Variants in BNIPL observed in about 807,000 individuals in gnomAD.
BNIPL encodes the protein BCL2 interacting protein like.
A neutral mutation model predicts 47.0 loss-of-function variants in BNIPL; 33 were observed. That is an observed-to-expected ratio of 0.70 (90% CI 0.53 to 0.94). The LOEUF is 0.94. Ranked by LOEUF, BNIPL falls within the 40% of genes least tolerant of loss-of-function variation. The probability of loss-of-function intolerance (pLI) is 0.00; values close to 1 mark genes in which losing one functional copy is unlikely to be tolerated. For missense variants in BNIPL, 404 were observed against 445.2 expected (o/e 0.91, Z 0.83); for synonymous variants, 145 against 162.7 (o/e 0.89, Z 0.83).
At position 151,043,683 on chromosome 1, in the gene BNIPL, A is replaced by G. The variant is rs771456486; in HGVS notation, c.807A>G (p.Pro269=). Residue 269 remains proline (P), a synonymous_variant, in exon 7 of 10, where the codon CCA becomes CCG. Transcript: ENST00000368931. The part of the protein sequence containing the change: ...LSGGTSRAQV[P]PLSWIRQCYR... ...GAGGCACAAGCAGGGCCCAAGTTCC[A>G]CCTCTAAGCTGGATACGTCAGTGTT... is the stretch of plus-strand genomic sequence containing the variant. The G allele has an allele frequency of 6.2e-7, 1 of 1,613,930 alleles. No individual in the cohort carries two copies. Among genetic ancestry groups the G allele is most frequent in the East Asian group, 2.2e-5 (1 of 44,878 alleles).
chr1:151,037,645 G>A lies in BNIPL; in HGVS notation c.120G>A (p.Gln40=), dbSNP rs1394844390. 2 of 1,600,728 alleles carry A rather than the reference G, an allele frequency of 1.2e-6. No homozygotes were observed. Among genetic ancestry groups the A allele is most frequent in the Admixed American group, 1.7e-5 (1 of 58,084 alleles). ...AGTTGGAGCTGAAGGAGGAATGGCA[G>A]GATGAAGAATTCCCTAGGTGAGGAC... is the stretch of plus-strand genomic sequence containing the variant. ...HGELELKEEW[Q]DEEFPRLLPE... Residue 40 remains glutamine (Q), a synonymous_variant, in exon 2 of 10, where the codon CAG becomes CAA. Transcript: ENST00000368931.
At chr1:151,038,642 T>C in intron 3 of BNIPL, 74 bp downstream of exon 3, 1 of 1,592,096 alleles carries the variant, frequency 6.3e-7, no homozygotes, top group East Asian at 2.2e-5. Flanking sequence ...TCTATCCTTT[T>C]ACAGTTCCAT....
intron 2 of BNIPL, chr1:151,038,255 G>T (rs111225991): frequency 0.029 from 15,202 of 530,734 alleles, 1,469 homozygotes; most frequent in African/African-American, 0.24. Context: ...ACACCTGTAG[G>T]CCCAGCTACT....
At chr1:151,045,585 A>G (rs1675989754) in intron 7 of BNIPL, 30 of 451,472 alleles carry the variant, frequency 6.6e-5, no homozygotes, top group Non-Finnish European at 9.7e-5. Flanking sequence ...AAAAATCTTG[A>G]GAGTTTTTTT....
At position 151,043,648 on chromosome 1, in the gene BNIPL, C is replaced by T. The variant is rs1675910527; in HGVS notation, c.772C>T (p.His258Tyr). 1.7e-5 allele frequency: 27 copies of T among 1,611,536 alleles called. No individual in the cohort carries two copies. Among genetic ancestry groups the T allele is most frequent in the Non-Finnish European group, 2.3e-5 (27 of 1,177,700 alleles). Residue 258 changes from histidine to tyrosine, a missense_variant, in exon 7 of 10, where the codon CAT (histidine) becomes TAT (tyrosine). His to Tyr is a moderately conservative substitution (Grantham distance 83). Transcript: ENST00000368931. ...AGTAGCTGAAAATTACCTGCTTGTT[C>T]ATTTGAGTGGAGGCACAAGCAGGGC... Reference protein sequence around the residue: ...LLVAENYLLVHLSGGTSRAQV... With the variant: ...LLVAENYLLVYLSGGTSRAQV...
intron 7 of BNIPL, among the ~76,000 whole-genome samples, chr1:151,044,278 C>G (rs912655531): frequency 1.6e-4 from 25 of 152,226 alleles, no homozygotes; most frequent in Non-Finnish European, 2.9e-4. Context: ...AGCCACTGCA[C>G]CCGGCCACTT....
In BNIPL at chr1:151,046,924, G is replaced by T; in HGVS notation, c.*237G>T. 2.3e-6 allele frequency: 1 copy of T among 438,224 alleles called. No homozygotes were observed. The highest frequency in any genetic ancestry group is 4.1e-5 in the Admixed American group (1 of 24,164). The allele number at this position is 438,224 out of a possible 1,614,324, so 27.1% of individuals were successfully genotyped here. On this transcript the variant is annotated 3_prime_UTR_variant, in exon 10 of 10. Coordinates refer to ENST00000368931, the MANE Select transcript of BNIPL (RefSeq NM_138278.4). ...TTGCTGGGACGGAAGGCTGAATGTA[G>T]GGTCATTTTGTATGGGATATGCAGA... is the stretch of plus-strand genomic sequence containing the variant.
At chr1:151,046,543 C>A in intron 9 of BNIPL, 108 bp from the exon 10 acceptor site, 1 of 1,021,442 alleles carries the variant, frequency 9.8e-7, no homozygotes, top group East Asian at 2.5e-5. Flanking sequence ...TGACTCAACC[C>A]AATCATCTAG....
At position 151,038,813 on chromosome 1, in the gene BNIPL, A is replaced by C; in HGVS notation, c.220A>C (p.Thr74Pro). 6.3e-7 allele frequency: 1 copy of C among 1,593,238 alleles called. No homozygotes were observed. Among genetic ancestry groups the C allele is most frequent in the Non-Finnish European group, 8.6e-7 (1 of 1,168,756 alleles). Residue 74 changes from threonine to proline, a missense_variant, in exon 4 of 10, where the codon ACT becomes CCT. Thr to Pro is a conservative substitution (Grantham distance 38, BLOSUM62 -1). Transcript: ENST00000368931. The part of the protein sequence containing the change: ...DSQAAAGTPS[T>P]LALCGQRPMR... ...TTCTCCAGCTGCAGGTACCCCCAGC[A>C]CTTTAGCCCTGTGTGGCCAGCGCCC...
rs1007004089 is a variant in BNIPL at position 151,036,875 on chromosome 1, CAA to C, written c.41+110_41+111del. Reference sequence around the variant, plus strand: ...TCAAATCTCGGGTTCCTCAAGGAGACAAGACTGTAAGAGAGTTTGCAGAGAAG... The same window carrying C: ...TCAAATCTCGGGTTCCTCAAGGAGACGACTGTAAGAGAGTTTGCAGAGAAG... On this transcript the variant is annotated intron_variant, in intron 1 of 9. Transcript: ENST00000368931. 5.3e-6 allele frequency: 6 copies of C among 1,122,356 alleles called. No individual in the cohort carries two copies. The African/African-American group carries it at 9.3e-5, about 17-fold the overall frequency. 69.5% of individuals were successfully genotyped at this position (1,122,356 alleles called of 1,614,324 possible).
At chr1:151,038,161 G>A (rs1182694255) in intron 2 of BNIPL, among the ~76,000 whole-genome samples, 1 of 152,040 alleles carries the variant, frequency 6.6e-6, no homozygotes, top group Non-Finnish European at 1.5e-5. Context: ...GATCACTTGA[G>A]CTCAGAAGTT....
intron 1 of BNIPL, 188 bp from the exon 2 acceptor site, chr1:151,037,379 A>T: frequency 9.8e-6 from 13 of 1,331,424 alleles, no homozygotes; most frequent in Non-Finnish European, 1.3e-5. Context: ...CTGCTCCCAA[A>T]CTTAACAGCA....
Position 151,038,490 on chromosome 1 carries a change from C to T in BNIPL, c.138-14C>T. 1 of 1,602,154 alleles carries T rather than the reference C, an allele frequency of 6.2e-7. No individual in the cohort carries two copies. Among genetic ancestry groups the T allele is most frequent in the Non-Finnish European group, 8.5e-7 (1 of 1,170,970 alleles). ...GTGTATATGTCTGCCGCCTTTTAATCTCTTCCCCTCTAGATTGCTTCCTGA... is the reference window on the plus strand; with the variant it reads ...GTGTATATGTCTGCCGCCTTTTAATTTCTTCCCCTCTAGATTGCTTCCTGA... On this transcript the variant is annotated splice_polypyrimidine_tract_variant and intron_variant, in intron 2 of 9. Coordinates refer to ENST00000368931, the MANE Select transcript of BNIPL (RefSeq NM_138278.4).
At chr1:151,037,706 C>G (rs1009710849) in intron 2 of BNIPL, 44 bp downstream of exon 2, 1 of 1,504,638 alleles carries the variant, frequency 6.6e-7, no homozygotes, top group Non-Finnish European at 9.1e-7. Context: ...GGGGTGGTCA[C>G]GAATGGACGG....
intron 7 of BNIPL, 98 bp from the exon 8 acceptor site, chr1:151,045,699 A>G (rs1283626887): frequency 3.8e-6 from 6 of 1,582,330 alleles, no homozygotes; most frequent in Non-Finnish European, 5.2e-6. Flanking sequence ...GAAACTAGAG[A>G]AGTGAATGAA....
chr1:151,036,702 A>G lies in BNIPL; in HGVS notation c.-24A>G. 6.2e-7 allele frequency: 1 copy of G among 1,601,826 alleles called. No homozygotes were observed. Among genetic ancestry groups the G allele is most frequent in the East Asian group, 2.2e-5 (1 of 44,796 alleles). ...CCCAACAACTCCTAGGTGTTTAAAG[A>G]AGGAGGCAGGAAGACTTGTGAAGAT... On this transcript the variant is annotated 5_prime_UTR_variant, in exon 1 of 10. Coordinates refer to ENST00000368931, the MANE Select transcript of BNIPL (RefSeq NM_138278.4).
rs1675706953 is a variant in BNIPL at position 151,038,504 on chromosome 1, A to T, written c.138A>T (p.Arg46Ser). 1 of 1,611,220 alleles carries T rather than the reference A, an allele frequency of 6.2e-7. No homozygotes were observed. The highest frequency in any genetic ancestry group is 1.1e-5 in the South Asian group (1 of 91,034). The change falls in exon 3 of 10, where the codon AGA (arginine) becomes AGT (serine). Residue 46 changes from arginine to serine, a missense_variant and splice_region_variant. By Grantham distance (110) the Arg-to-Ser change is moderately radical (BLOSUM62 -1). Coordinates refer to ENST00000368931, the MANE Select transcript of BNIPL (RefSeq NM_138278.4). ...KEEWQDEEFP[R>S]LLPEEAGTSE... ...CGCCTTTTAATCTCTTCCCCTCTAG[A>T]TTGCTTCCTGAGGAGGCTGGCACTT...
intron 7 of BNIPL, chr1:151,045,587 A>C: frequency 7.4e-6 from 4 of 543,178 alleles, no homozygotes; most frequent in Non-Finnish European, 8.6e-6. Context: ...AAATCTTGAG[A>C]GTTTTTTTAA....
intron 3 of BNIPL, 107 bp from the exon 4 acceptor site, chr1:151,038,686 CCTT>C (rs1558098932): frequency 1.9e-6 from 3 of 1,566,728 alleles, no homozygotes; most frequent in Non-Finnish European, 2.6e-6. Context: ...CTGCGTGAGT[CCTT>C]CTTCAGCATT....
Sources: gnomAD v4.1 joint callset for allele counts (sites outside exome capture counted in the v4.1 genomes callset) on GRCh38, gnomAD v4.1.1 for gene constraint, MANE v1.5 for transcripts, NCBI Gene and HGNC (gene_info 2026-07-23, HGNC 2026-07-21) for gene names.